Variants in RBFOX1 observed in about 807,000 individuals in gnomAD.
RBFOX1 encodes the protein RNA binding fox-1 homolog 1, also known as RNA binding protein fox-1 homolog 1.
Under a neutral mutation model 57.7 loss-of-function variants are expected in RBFOX1, and 8 were observed. The observed-to-expected ratio is 0.14, with a 90% CI of 0.08 to 0.25. The LOEUF (loss-of-function observed/expected upper bound fraction) is 0.25, where lower values mean the gene tolerates loss of function less well. Ranked by LOEUF, RBFOX1 falls within the 10% of genes least tolerant of loss-of-function variation. The pLI is 1.00. For missense variants in RBFOX1, 611 were observed against 548.5 expected, an observed-to-expected ratio of 1.11 and a Z score of -1.14; for synonymous variants, 326 against 222.4, an observed-to-expected ratio of 1.47 and a Z score of -4.15.
At chr16:6,041,908 C>T (rs2095440363) in intron 1 of RBFOX1, among the ~76,000 whole-genome samples, 1 of 152,124 alleles carries the variant, frequency 6.6e-6, no homozygotes, top group East Asian at 1.9e-4. Flanking sequence ...AGTGTGTTCT[C>T]ACTTGCAATC....
chr16:5,507,858 G>C (rs1047953151), intron 2 of RBFOX1, among the ~76,000 whole-genome samples: 37 of 152,168 alleles, frequency 2.4e-4, no homozygotes, highest in African/African-American at 8.0e-4. Context: ...TCTCTTCCTA[G>C]AGCCTTCAGA....
intron 1 of RBFOX1, among the ~76,000 whole-genome samples, chr16:5,260,102 G>A (rs919420715): frequency 9.9e-5 from 15 of 152,214 alleles, no homozygotes; most frequent in African/African-American, 3.6e-4. Context: ...GTGGGAGGCT[G>A]AGGCAGGAGA....
chr16:7,155,715 AT>A (rs1567489963), intron 4 of RBFOX1, among the ~76,000 whole-genome samples: 1,454 of 73,454 alleles, frequency 0.02, 137 homozygotes, highest in African/African-American at 0.054. Context: ...AAAAAAAAAT[AT>A]ATATATATAT....
chr16:6,687,931 A>C lies in RBFOX1; in HGVS notation c.-16+33281A>C, dbSNP rs77079091. Among the ~76,000 whole-genome samples the C allele has an allele frequency of 1.8e-3, 279 of 152,318 alleles. No homozygotes were observed. The East Asian group carries it at 0.034, about 18-fold the overall frequency. The stretch of plus-strand genomic sequence containing the variant: ...TCTCCACCGTATTTTCAAAACAATC[A>C]TCTTGAGTGAGAGCTTCAGAAATGA... On this transcript the variant is annotated intron_variant, in intron 3 of 15. Transcript: ENST00000550418.
intron 2 of RBFOX1, among the ~76,000 whole-genome samples, chr16:6,402,462 T>C (rs892331417): frequency 2.6e-5 from 4 of 152,230 alleles, no homozygotes; most frequent in Non-Finnish European, 2.9e-5. Flanking sequence ...TGCACTTTCA[T>C]TGGAATTCAA....
intron 4 of RBFOX1, among the ~76,000 whole-genome samples, chr16:5,919,234 A>G (rs993971677): frequency 1.3e-5 from 2 of 152,232 alleles, no homozygotes; most frequent in African/African-American, 2.4e-5. Context: ...GTTAATGCCT[A>G]TTTCTCTGAA....
intron 11 of RBFOX1, among the ~76,000 whole-genome samples, chr16:7,639,409 A>G (rs2143017671): frequency 6.6e-6 from 1 of 152,212 alleles, no homozygotes; most frequent in Admixed American, 6.5e-5. Context: ...ATTTTCTCAG[A>G]GATAATTCCT....
At chr16:6,568,454 A>G (rs1442321662) in intron 2 of RBFOX1, among the ~76,000 whole-genome samples, 1 of 152,184 alleles carries the variant, frequency 6.6e-6, no homozygotes, top group African/African-American at 2.4e-5. Context: ...AGGGAGAAAG[A>G]AGGGAGAGAT....
intron 4 of RBFOX1, among the ~76,000 whole-genome samples, chr16:7,340,646 C>A (rs956319871): frequency 2.0e-5 from 3 of 152,212 alleles, no homozygotes; most frequent in Non-Finnish European, 4.4e-5. Flanking sequence ...CACCACTTCT[C>A]TTCACATCAG....
chr16:6,613,813 C>T (rs551337752), intron 2 of RBFOX1, among the ~76,000 whole-genome samples: 98 of 152,266 alleles, frequency 6.4e-4, no homozygotes, highest in African/African-American at 2.3e-3. Flanking sequence ...TGGTGTGTGC[C>T]TGTAATCCCA....
intron 4 of RBFOX1, among the ~76,000 whole-genome samples, chr16:7,223,241 G>C (rs1053626709): frequency 6.6e-6 from 1 of 152,154 alleles, no homozygotes; most frequent in African/African-American, 2.4e-5. Context: ...AGCATGAGAG[G>C]GTAAGACCTC....
At chr16:6,474,140 T>C (rs1251724942) in intron 2 of RBFOX1, among the ~76,000 whole-genome samples, 1 of 151,994 alleles carries the variant, frequency 6.6e-6, no homozygotes, top group Admixed American at 6.6e-5. Context: ...CTATCCTTGA[T>C]GGGAGGGAAA....
At chr16:6,000,270 A>T (rs146612490) in intron 4 of RBFOX1, among the ~76,000 whole-genome samples, 23 of 152,318 alleles carry the variant, frequency 1.5e-4, no homozygotes, top group Non-Finnish European at 2.6e-4. Context: ...CAAACCGTAG[A>T]CTTCCTGAGT....
At chr16:5,808,937 C>T (rs1302905262) in intron 3 of RBFOX1, among the ~76,000 whole-genome samples, 1 of 152,144 alleles carries the variant, frequency 6.6e-6, no homozygotes, top group East Asian at 1.9e-4. Flanking sequence ...ATTTCCGTGG[C>T]CACAACTTCC....
intron 4 of RBFOX1, among the ~76,000 whole-genome samples, chr16:7,507,567 T>TTTC (rs2073767262): frequency 7.3e-6 from 1 of 137,512 alleles, no homozygotes; most frequent in Non-Finnish European, 1.6e-5. Flanking sequence ...CTTTCTTTCT[T>TTTC]TTTTTTTTTT....
intron 3 of RBFOX1, among the ~76,000 whole-genome samples, chr16:6,949,933 A>G (rs1598156478): frequency 7.8e-6 from 1 of 128,278 alleles, no homozygotes; most frequent in East Asian, 2.2e-4. Flanking sequence ...TTCCCTGAGT[A>G]CGTTTTTTTG....
intron 4 of RBFOX1, among the ~76,000 whole-genome samples, chr16:7,227,480 T>G (rs1371837910): frequency 1.3e-5 from 2 of 152,080 alleles, no homozygotes; most frequent in African/African-American, 4.8e-5. Context: ...TTATTCAGGG[T>G]TATTTATCTA....
chr16:7,086,706 G>A (rs943787763), intron 4 of RBFOX1, among the ~76,000 whole-genome samples: 2 of 26,792 alleles, frequency 7.5e-5, no homozygotes, highest in Non-Finnish European at 1.3e-4. Context: ...GCAAAGAGAG[G>A]GAGGGAAGAA....
intron 2 of RBFOX1, among the ~76,000 whole-genome samples, chr16:5,569,493 T>C (rs1017975219): frequency 1.4e-5 from 2 of 143,446 alleles, no homozygotes; most frequent in African/African-American, 2.5e-5. Context: ...GTACTCTCTA[T>C]GTTCTGGCCA....
Sources: allele counts gnomAD v4.1 joint callset (sites outside exome capture counted in the v4.1 genomes callset), GRCh38; gene constraint gnomAD v4.1.1; transcripts MANE v1.5; gene names NCBI Gene and HGNC (gene_info 2026-07-23, HGNC 2026-07-21).